The following IGF1R variants were observed in gnomAD, a reference collection of about 807,000 sequenced individuals.
IGF1R encodes insulin-like growth factor 1 receptor.
Under a neutral mutation model 144.6 loss-of-function variants are expected in IGF1R, and 44 were observed. That is an observed-to-expected ratio of 0.30 (90% CI 0.24 to 0.39). The LOEUF is 0.39. IGF1R is among the 10% of genes least tolerant of loss of function. The pLI is 1.00. For missense variants in IGF1R, 1,355 were observed against 1,833.7 expected, an observed-to-expected ratio of 0.74 and a Z score of 4.77; for synonymous variants, 795 against 722.8, an observed-to-expected ratio of 1.10 and a Z score of -1.60.
intron 2 of IGF1R, among the ~76,000 whole-genome samples, chr15:98,847,719 G>C (rs948224898): frequency 6.6e-6 from 1 of 152,188 alleles, no homozygotes. Flanking sequence ...TCTACATTAT[G>C]TGGGAATGTT....
In IGF1R at chr15:98,916,218, C is replaced by G. The variant is rs535337773; in HGVS notation, c.1996+87C>G. The G allele has an allele frequency of 2.5e-6, 3 of 1,180,936 alleles. No individual in the cohort carries two copies. In the Middle Eastern group the frequency reaches 6.1e-4, roughly 241 times the overall value. The allele number at this position is 1,180,936 out of a possible 1,614,324, so 73.2% of individuals were successfully genotyped here. A position where few individuals can be genotyped will look rare whatever the true frequency, so the allele number is the denominator to read the frequency against. On this transcript the variant is annotated intron_variant, in intron 9 of 20. Coordinates refer to ENST00000650285, the MANE Select transcript of IGF1R (RefSeq NM_000875.5). ...GCCTGAGCCCTAATATTACACGTAT[C>G]AGACAACAGTGTAGTTCTCCATTGG...
At chr15:98,787,529 G>A (rs947529466) in intron 2 of IGF1R, among the ~76,000 whole-genome samples, 1 of 152,138 alleles carries the variant, frequency 6.6e-6, no homozygotes, top group East Asian at 1.9e-4. Context: ...ATCAAGAAAT[G>A]TTGGACCTTT....
At chr15:98,710,272 T>C (rs2053962019) in intron 2 of IGF1R, among the ~76,000 whole-genome samples, 1 of 152,210 alleles carries the variant, frequency 6.6e-6, no homozygotes, top group Non-Finnish European at 1.5e-5. Flanking sequence ...AATGGAGTAC[T>C]TATATAAAAT....
chr15:98,926,392 T>C (rs1042773779), intron 13 of IGF1R, among the ~76,000 whole-genome samples: 2 of 148,544 alleles, frequency 1.3e-5, no homozygotes, highest in Non-Finnish European at 3.0e-5. Context: ...AATAGATATA[T>C]TGTACATGAT....
At chr15:98,906,510 G>A (rs2014739804) in intron 5 of IGF1R, among the ~76,000 whole-genome samples, 1 of 152,206 alleles carries the variant, frequency 6.6e-6, no homozygotes, top group Non-Finnish European at 1.5e-5. Flanking sequence ...TCCTTCCGTT[G>A]TATGACTGCA....
At chr15:98,672,463 G>T (rs575684857) in intron 1 of IGF1R, among the ~76,000 whole-genome samples, 3 of 151,824 alleles carry the variant, frequency 2.0e-5, no homozygotes, top group African/African-American at 7.3e-5. Flanking sequence ...CCAGCTACTC[G>T]GGAGGCTGAG....
intron 2 of IGF1R, among the ~76,000 whole-genome samples, chr15:98,821,965 A>G (rs1218710026): frequency 6.6e-6 from 1 of 152,230 alleles, no homozygotes; most frequent in Non-Finnish European, 1.5e-5. Flanking sequence ...TTATACCATA[A>G]AAGGTATATG....
At chr15:98,817,932 G>A (rs2056729186) in intron 2 of IGF1R, among the ~76,000 whole-genome samples, 1 of 152,176 alleles carries the variant, frequency 6.6e-6, no homozygotes, top group African/African-American at 2.4e-5. Flanking sequence ...TATTCTCATG[G>A]TTCTGGATGC....
chr15:98,894,541 ATGCTCTGTGAAAAAGCCAAC>A (rs1193667447), intron 3 of IGF1R, among the ~76,000 whole-genome samples: 3 of 152,228 alleles, frequency 2.0e-5, no homozygotes, highest in Non-Finnish European at 2.9e-5. Flanking sequence ...CAAGGACATT[ATGCTCTGTGAAAAAGCCAAC>A]CTCAAAAGAT....
In IGF1R at chr15:98,963,616, A is replaced by G; in HGVS notation, c.*6174A>G. On this transcript the variant is annotated 3_prime_UTR_variant, in exon 21 of 21. Transcript: ENST00000650285. ...CATGGGAAGACTTGACTGCACAGCC[A>G]ATGGTTTTCATGATGATTACAGCAT... 1 of 233,312 alleles carries G rather than the reference A, an allele frequency of 4.3e-6. No individual in the cohort carries two copies. The highest frequency in any genetic ancestry group is 8.5e-6 in the Non-Finnish European group (1 of 118,056). The allele number at this position is 233,312 out of a possible 1,614,324, so 14.5% of individuals were successfully genotyped here.
chr15:98,720,085 A>G (rs1273159453), intron 2 of IGF1R, among the ~76,000 whole-genome samples: 2 of 152,226 alleles, frequency 1.3e-5, no homozygotes, highest in African/African-American at 4.8e-5. Flanking sequence ...AGCGTGAAGC[A>G]TGGACTTTCA....
chr15:98,736,780 T>G (rs2054620604), intron 2 of IGF1R, among the ~76,000 whole-genome samples: 1 of 151,858 alleles, frequency 6.6e-6, no homozygotes, highest in African/African-American at 2.4e-5. Context: ...CCTGGCTGAT[T>G]TTTTGTATTT....
chr15:98,672,336 G>T (rs184719278), intron 1 of IGF1R, among the ~76,000 whole-genome samples: 3 of 152,226 alleles, frequency 2.0e-5, no homozygotes, highest in Admixed American at 1.3e-4. Context: ...AGGCCGAGGC[G>T]GGCGGATCAC....
At chr15:98,863,431 T>TTA (rs2012266837) in intron 2 of IGF1R, among the ~76,000 whole-genome samples, 1 of 152,240 alleles carries the variant, frequency 6.6e-6, no homozygotes, top group Non-Finnish European at 1.5e-5. Flanking sequence ...CTGTTCCTCA[T>TTA]TATTCTTTCA....
intron 2 of IGF1R, among the ~76,000 whole-genome samples, chr15:98,717,176 C>A (rs190053616): frequency 1.3e-5 from 2 of 152,252 alleles, no homozygotes; most frequent in East Asian, 3.9e-4. Context: ...CCGTTGATGC[C>A]TTGAGATAGT....
intron 2 of IGF1R, among the ~76,000 whole-genome samples, chr15:98,778,945 A>C (rs895325688): frequency 6.6e-6 from 1 of 152,266 alleles, no homozygotes; most frequent in Non-Finnish European, 1.5e-5. Context: ...CTTTCTTCTT[A>C]TGAATAGATA....
chr15:98,957,302 G>A lies in IGF1R; in HGVS notation c.3964G>A (p.Gly1322Arg), dbSNP rs779104996. ...SSLPLPDRHS[G>R]HKAENGPGPG... Reference sequence around the variant, plus strand: ...CCTGCCACTGCCCGACAGACACTCAGGACACAAGGCCGAGAACGGCCCCGG... The same window carrying A: ...CCTGCCACTGCCCGACAGACACTCAAGACACAAGGCCGAGAACGGCCCCGG... Residue 1322 changes from glycine (G) to arginine (R), a missense_variant, in exon 21 of 21, where the codon GGA becomes AGA. Around this residue, in one of 7 missense-constraint regions of IGF1R, gnomAD observed 219 missense variants for 188.8 expected, o/e 1.16. Transcript: ENST00000650285. 8 of 1,613,388 alleles carry A rather than the reference G, an allele frequency of 5.0e-6. No homozygotes were observed. The highest frequency in any genetic ancestry group is 5.9e-6 in the Non-Finnish European group (7 of 1,179,610).
chr15:98,909,265 T>C (rs1411194214), intron 6 of IGF1R, among the ~76,000 whole-genome samples: 1 of 135,708 alleles, frequency 7.4e-6, no homozygotes, highest in African/African-American at 2.7e-5. Flanking sequence ...TTTTTTCTTT[T>C]TTTTTTTTTT....
chr15:98,702,889 A>G lies in IGF1R; in HGVS notation c.95-4673A>G, dbSNP rs560700564. On this transcript the variant is annotated intron_variant, in intron 1 of 20. Transcript: ENST00000650285. ...GAGGTCGAGGCTGCATTGAGCCACG[A>G]TTGTGCTGCAGCACTCTAGCCTGGG... Among the ~76,000 whole-genome samples, 12 of 152,214 alleles carry G rather than the reference A, an allele frequency of 7.9e-5. No individual in the cohort carries two copies. In the East Asian group the frequency reaches 2.1e-3, roughly 27 times the overall value.
Sources: allele counts gnomAD v4.1 joint callset (sites outside exome capture counted in the v4.1 genomes callset), GRCh38; gene constraint gnomAD v4.1.1; regional missense constraint gnomAD v4.1.1; transcripts MANE v1.5; gene names NCBI Gene and HGNC (gene_info 2026-07-23, HGNC 2026-07-21).